Variants in FHIT observed in about 807,000 individuals in gnomAD.
FHIT encodes fragile histidine triad diadenosine triphosphatase.
In FHIT, 19 loss-of-function variants were observed where a neutral mutation model predicts 17.9. The ratio of observed to expected loss-of-function variants is 1.06; its 90% CI spans 0.74 to 1.56. The LOEUF is 1.56. Among genes scored for constraint, FHIT ranks in the 40% most tolerant of loss-of-function variants. The pLI is 0.00. For missense variants in FHIT, 248 were observed against 189.2 expected, an observed-to-expected ratio of 1.31 and a Z score of -1.82; for synonymous variants, 81 against 69.7, an observed-to-expected ratio of 1.16 and a Z score of -0.81.
chr3:60,569,736 T>TATATATATATAC (rs1553654760), intron 4 of FHIT, among the ~76,000 whole-genome samples: 3 of 46,256 alleles, frequency 6.5e-5, no homozygotes, highest in South Asian at 1.2e-3. Context: ...TATATATATA[T>TATATATATATAC]ATATATATAT....
chr3:60,278,646 C>T (rs375324791), intron 5 of FHIT, among the ~76,000 whole-genome samples: 2 of 151,942 alleles, frequency 1.3e-5, no homozygotes, highest in African/African-American at 4.8e-5. Context: ...CACACAGAAG[C>T]ATCTGGAACT....
chr3:60,366,121 A>G (rs764646031), intron 5 of FHIT, among the ~76,000 whole-genome samples: 1 of 152,204 alleles, frequency 6.6e-6, no homozygotes, highest in Non-Finnish European at 1.5e-5. Flanking sequence ...GAAATCCTAC[A>G]AATCACTTTC....
intron 8 of FHIT, among the ~76,000 whole-genome samples, chr3:59,782,333 AATAAAG>A (rs1223536497): frequency 1.3e-5 from 2 of 152,146 alleles, no homozygotes; most frequent in Admixed American, 6.5e-5. Flanking sequence ...GTGTGCCTGT[AATAAAG>A]ATAGAGTTAT....
At chr3:60,896,916 T>C (rs928567574) in intron 3 of FHIT, among the ~76,000 whole-genome samples, 1 of 152,214 alleles carries the variant, frequency 6.6e-6, no homozygotes, top group African/African-American at 2.4e-5. Context: ...ACTCTTCTAA[T>C]GCTATTCCCA....
chr3:60,635,261 C>T (rs1480650321), intron 4 of FHIT, among the ~76,000 whole-genome samples: 2 of 134,542 alleles, frequency 1.5e-5, no homozygotes, highest in African/African-American at 5.7e-5. Context: ...AAGATTACTC[C>T]AGGTTCTTTA....
At chr3:59,860,108 G>A (rs1430587710) in intron 8 of FHIT, among the ~76,000 whole-genome samples, 5 of 152,042 alleles carry the variant, frequency 3.3e-5, no homozygotes, top group Admixed American at 6.6e-5. Context: ...CCCTTCTGTC[G>A]GTTTGAAACA....
At chr3:60,737,221 A>C (rs1553712830) in intron 4 of FHIT, among the ~76,000 whole-genome samples, 1 of 152,230 alleles carries the variant, frequency 6.6e-6, no homozygotes, top group African/African-American at 2.4e-5. Flanking sequence ...TTAATAAACT[A>C]CATTATGAGC....
intron 5 of FHIT, among the ~76,000 whole-genome samples, chr3:60,061,477 G>T (rs1702292918): frequency 2.0e-5 from 3 of 152,150 alleles, no homozygotes; most frequent in Admixed American, 6.5e-5. Flanking sequence ...AGAACCAAGG[G>T]TTTTTCACAT....
chr3:59,913,403 G>C (rs1704978117), intron 8 of FHIT, among the ~76,000 whole-genome samples: 1 of 152,162 alleles, frequency 6.6e-6, no homozygotes, highest in Non-Finnish European at 1.5e-5. Context: ...TAGTCAAACA[G>C]ACTTTGATAT....
intron 5 of FHIT, among the ~76,000 whole-genome samples, chr3:60,462,447 C>A (rs776628966): frequency 6.6e-6 from 1 of 152,126 alleles, no homozygotes; most frequent in Non-Finnish European, 1.5e-5. Context: ...ATGTCAAATG[C>A]ACCTAGGGCA....
intron 5 of FHIT, among the ~76,000 whole-genome samples, chr3:60,299,484 A>G (rs1369947894): frequency 6.6e-6 from 1 of 152,134 alleles, no homozygotes; most frequent in Non-Finnish European, 1.5e-5. Context: ...CACTAGACAT[A>G]GAATTCTAAG....
chr3:59,932,087 G>T (rs950095438), intron 7 of FHIT, among the ~76,000 whole-genome samples: 8 of 152,072 alleles, frequency 5.3e-5, no homozygotes, highest in Non-Finnish European at 1.0e-4. Context: ...GGAAATCATT[G>T]GCAAGTTCTT....
chr3:60,010,466 A>C (rs907752014), intron 7 of FHIT, among the ~76,000 whole-genome samples: 1 of 152,254 alleles, frequency 6.6e-6, no homozygotes, highest in Non-Finnish European at 1.5e-5. Context: ...AAGTAAAGTA[A>C]GATCAAAAGG....
intron 5 of FHIT, among the ~76,000 whole-genome samples, chr3:60,142,452 C>T (rs926803647): frequency 6.6e-6 from 1 of 152,028 alleles, no homozygotes; most frequent in African/African-American, 2.4e-5. Flanking sequence ...TTATATATTT[C>T]TTCTTGAACC....
intron 3 of FHIT, among the ~76,000 whole-genome samples, chr3:61,028,581 T>G (rs1485286276): frequency 6.6e-6 from 1 of 152,188 alleles, no homozygotes; most frequent in Non-Finnish European, 1.5e-5. Flanking sequence ...ACCCAGACTC[T>G]TTCACTAACT....
intron 3 of FHIT, among the ~76,000 whole-genome samples, chr3:60,838,136 G>A (rs782243029): frequency 6.6e-6 from 1 of 152,114 alleles, no homozygotes; most frequent in African/African-American, 2.4e-5. Flanking sequence ...GTCTCACCGT[G>A]TCATCCAGGC....
At chr3:61,077,858 C>T (rs2035018315) in intron 2 of FHIT, among the ~76,000 whole-genome samples, 1 of 152,078 alleles carries the variant, frequency 6.6e-6, no homozygotes. Context: ...AGCAACTACT[C>T]AATAAATATC....
At chr3:60,200,243 C>T (rs1345635189) in intron 5 of FHIT, among the ~76,000 whole-genome samples, 1 of 152,100 alleles carries the variant, frequency 6.6e-6, no homozygotes, top group African/African-American at 2.4e-5. Context: ...GTTCTGTTAC[C>T]AACAGGACTG....
At chr3:60,258,519 T>G (rs1050018018) in intron 5 of FHIT, among the ~76,000 whole-genome samples, 7 of 152,144 alleles carry the variant, frequency 4.6e-5, no homozygotes, top group Admixed American at 1.3e-4. Context: ...AGTCCATGAT[T>G]TTAGATGGTG....
Sources: allele counts gnomAD v4.1 joint callset (sites outside exome capture counted in the v4.1 genomes callset), GRCh38; gene constraint gnomAD v4.1.1; transcripts MANE v1.5; gene names NCBI Gene and HGNC (gene_info 2026-07-23, HGNC 2026-07-21).